Variants in C14orf119 observed in about 807,000 individuals in gnomAD.
C14orf119 encodes uncharacterized protein C14orf119.
In C14orf119, 17 loss-of-function variants were observed where a neutral mutation model predicts 13.5. The observed-to-expected ratio is 1.26, with a 90% CI of 0.86 to 1.88. The LOEUF is 1.88. Ranked by LOEUF, C14orf119 falls within the 40% of genes most tolerant of loss-of-function variation. C14orf119 has a pLI of 0.00. For missense variants in C14orf119, 162 were observed against 165.9 expected (o/e 0.98, Z 0.13); for synonymous variants, 61 against 61.9 (o/e 0.99, Z 0.07).
Position 23,097,931 on chromosome 14 carries a change from C to A in C14orf119, c.273C>A (p.Ile91=). 1 of 1,614,168 alleles carries A rather than the reference C, an allele frequency of 6.2e-7. No individual in the cohort carries two copies. Among genetic ancestry groups the A allele is most frequent in the Non-Finnish European group, 8.5e-7 (1 of 1,179,998 alleles). The change falls in exon 2 of 2, where the codon ATC becomes ATA. Residue 91 remains isoleucine (I), a synonymous_variant. Coordinates refer to ENST00000319074, the MANE Select transcript of C14orf119 (RefSeq NM_017924.4). ...SVSGADRPPS[I]FECQLHLWDQ... is the part of the protein sequence containing the mutation. The stretch of plus-strand genomic sequence containing the variant: ...CTGGGGCAGACCGACCACCTTCTAT[C>A]TTTGAGTGCCAGCTACATCTTTGGG...
intron 1 of C14orf119, among the ~76,000 whole-genome samples, chr14:23,096,216 T>C (rs2048369222): frequency 6.6e-6 from 1 of 152,220 alleles, no homozygotes; most frequent in Non-Finnish European, 1.5e-5. Flanking sequence ...GCATTCATGA[T>C]GCAAAATCAG....
chr14:23,097,990 G>C lies in C14orf119; in HGVS notation c.332G>C (p.Arg111Pro). ...TTTCGAGGCTGGGCTGAGCAGGAGCGCAATGAATTTGTCAGACAGCTGGAG... is the reference window on the plus strand; with the variant it reads ...TTTCGAGGCTGGGCTGAGCAGGAGCCCAATGAATTTGTCAGACAGCTGGAG... ...QWFRGWAEQE[R>P]NEFVRQLEFS... Residue 111 changes from arginine (R) to proline (P), a missense_variant, in exon 2 of 2, where the codon CGC becomes CCC. Transcript: ENST00000319074. The C allele has an allele frequency of 4.3e-6, 7 of 1,614,122 alleles. No individual in the cohort carries two copies. Among genetic ancestry groups the C allele is most frequent in the Non-Finnish European group, 5.9e-6 (7 of 1,180,036 alleles).
In C14orf119 at chr14:23,099,540, A is replaced by G. The variant is rs745556143; in HGVS notation, c.*1459A>G. On this transcript the variant is annotated 3_prime_UTR_variant, in exon 2 of 2. Coordinates refer to ENST00000319074, the MANE Select transcript of C14orf119 (RefSeq NM_017924.4). The stretch of plus-strand genomic sequence containing the variant: ...GCATGGAATAATGCCTAGCCTTAGT[A>G]GATAAAGCGGCATTACCTTTTTTTT... 11 of 400,682 alleles carry G rather than the reference A, an allele frequency of 2.7e-5. No individual in the cohort carries two copies. Among genetic ancestry groups the G allele is most frequent in the Admixed American group, 4.6e-5 (1 of 21,912 alleles). 24.8% of individuals were successfully genotyped at this position (400,682 alleles called of 1,614,324 possible).
chr14:23,097,191 C>G (rs371859410), intron 1 of C14orf119, among the ~76,000 whole-genome samples: 2 of 152,106 alleles, frequency 1.3e-5, no homozygotes, highest in African/African-American at 4.8e-5. Flanking sequence ...TCTTTCTTCC[C>G]CCACTGTTGA....
intron 1 of C14orf119, among the ~76,000 whole-genome samples, chr14:23,096,150 G>T (rs776823158): frequency 6.6e-6 from 1 of 152,226 alleles, no homozygotes; most frequent in African/African-American, 2.4e-5. Context: ...TAAGAGATAC[G>T]TTAGAGATTT....
In C14orf119 at chr14:23,098,748, A is replaced by T. The variant is rs2048406467; in HGVS notation, c.*667A>T. 6.0e-6 allele frequency: 1 copy of T among 165,462 alleles called. No homozygotes were observed. The highest frequency in any genetic ancestry group is 1.5e-5 in the Non-Finnish European group (1 of 68,380). 10.2% of individuals were successfully genotyped at this position (165,462 alleles called of 1,614,324 possible). On this transcript the variant is annotated 3_prime_UTR_variant, in exon 2 of 2. Coordinates refer to ENST00000319074, the MANE Select transcript of C14orf119 (RefSeq NM_017924.4). The stretch of plus-strand genomic sequence containing the variant: ...GTGAGCGTGAGATCACTGTAACCTC[A>T]AATTCTAGGCTGAAGTAATCTTTCT...
chr14:23,096,575 A>ATT (rs199619004), intron 1 of C14orf119, among the ~76,000 whole-genome samples: 1 of 142,880 alleles, frequency 7.0e-6, no homozygotes, highest in African/African-American at 2.6e-5. Flanking sequence ...AAAAAAAAAA[A>ATT]ATTTTTTTTT....
chr14:23,100,397 G>C lies in C14orf119; in HGVS notation c.*2316G>C, dbSNP rs1205426402. ...GTTAGGGATCTTTGTTCTCTGAAACGCAACCCTGTCTAGGACAATATACAC... is the reference window on the plus strand; with the variant it reads ...GTTAGGGATCTTTGTTCTCTGAAACCCAACCCTGTCTAGGACAATATACAC... On this transcript the variant is annotated 3_prime_UTR_variant, in exon 2 of 2. Transcript: ENST00000319074. The C allele has an allele frequency of 4.9e-6, 2 of 411,944 alleles. No individual in the cohort carries two copies. The highest frequency in any genetic ancestry group is 4.4e-6 in the Non-Finnish European group (1 of 225,836). The allele number at this position is 411,944 out of a possible 1,614,324, so 25.5% of individuals were successfully genotyped here.
intron 1 of C14orf119, among the ~76,000 whole-genome samples, chr14:23,096,034 A>T (rs2048365853): frequency 6.6e-6 from 1 of 152,240 alleles, no homozygotes; most frequent in South Asian, 2.1e-4. Flanking sequence ...ACTTGAACTA[A>T]TATTAATTGT....
At chr14:23,097,585 A>G in intron 1 of C14orf119, 73 bp from the exon 2 acceptor site, 1 of 1,353,084 alleles carries the variant, frequency 7.4e-7, no homozygotes, top group Non-Finnish European at 1.0e-6. Context: ...GTGTGGTAAG[A>G]TGTCTTGTTG....
Position 23,099,479 on chromosome 14 carries a change from TA to T in C14orf119, c.*1400del. 2.4e-6 allele frequency: 1 copy of T among 412,796 alleles called. No individual in the cohort carries two copies. The highest frequency in any genetic ancestry group is 4.4e-6 in the Non-Finnish European group (1 of 226,088). The allele number at this position is 412,796 out of a possible 1,614,324, so 25.6% of individuals were successfully genotyped here. ...GTCATGGAGGGATTATGGTCTGAAG[TA>T]ACCAGCAACCTAGGAACATAGAAGG... On this transcript the variant is annotated 3_prime_UTR_variant, in exon 2 of 2. Transcript: ENST00000319074.
chr14:23,097,168 AAAT>A (rs3832936), intron 1 of C14orf119, among the ~76,000 whole-genome samples: 76,711 of 151,760 alleles, frequency 0.51, 20,681 homozygotes, highest in Admixed American at 0.59. Flanking sequence ...CTTTCATCAT[AAAT>A]AATGTTTTTT....
chr14:23,095,904 C>A (rs1246340588), intron 1 of C14orf119, among the ~76,000 whole-genome samples: 1 of 152,204 alleles, frequency 6.6e-6, no homozygotes, highest in African/African-American at 2.4e-5. Context: ...CCTTGGAAGC[C>A]ATGTGGCAAG....
Position 23,099,167 on chromosome 14 carries a change from G to A in C14orf119, c.*1086G>A, listed in dbSNP as rs3742486. The A allele has an allele frequency of 0.084, 34,706 of 411,394 alleles. 2,236 individuals carry two copies. Among genetic ancestry groups the A allele is most frequent in the African/African-American group, 0.22 (10,826 of 48,592 alleles). 25.5% of individuals were successfully genotyped at this position (411,394 alleles called of 1,614,324 possible). The stretch of plus-strand genomic sequence containing the variant: ...GCCAGGCTATATAATATTGACAACC[G>A]GGGAAAGAGGCATTCCAAAGAAAGT... On this transcript the variant is annotated 3_prime_UTR_variant, in exon 2 of 2. Coordinates refer to ENST00000319074, the MANE Select transcript of C14orf119 (RefSeq NM_017924.4).
intron 1 of C14orf119, 44 bp from the exon 2 acceptor site, chr14:23,097,614 G>A (rs564786426): frequency 2.5e-5 from 38 of 1,532,658 alleles, no homozygotes; most frequent in Non-Finnish European, 2.6e-5. Flanking sequence ...TTGTATTTTC[G>A]TTGCTCTACC....
Position 23,099,171 on chromosome 14 carries a change from A to G in C14orf119, c.*1090A>G, listed in dbSNP as rs781612339. ...GGCTATATAATATTGACAACCGGGG[A>G]AAGAGGCATTCCAAAGAAAGTAGAA... On this transcript the variant is annotated 3_prime_UTR_variant, in exon 2 of 2. Transcript: ENST00000319074. The G allele has an allele frequency of 1.7e-5, 7 of 411,986 alleles. No individual in the cohort carries two copies. Among genetic ancestry groups the G allele is most frequent in the African/African-American group, 4.1e-5 (2 of 48,596 alleles). 25.5% of individuals were successfully genotyped at this position (411,986 alleles called of 1,614,324 possible). A position where few individuals can be genotyped will look rare whatever the true frequency, so the allele number is the denominator to read the frequency against.
At chr14:23,096,300 T>G (rs2048370574) in intron 1 of C14orf119, among the ~76,000 whole-genome samples, 1 of 152,036 alleles carries the variant, frequency 6.6e-6, no homozygotes, top group South Asian at 2.1e-4. Flanking sequence ...GCGGATCACT[T>G]GAGGTCAGGA....
chr14:23,097,530 T>C, intron 1 of C14orf119, 128 bp from the exon 2 acceptor site: 1 of 794,316 alleles, frequency 1.3e-6, no homozygotes. Flanking sequence ...TTATTTTGGG[T>C]CTTTGAATTC....
rs915753242 is a variant in C14orf119 at position 23,095,605 on chromosome 14, G to A, written c.-16G>A. 5.7e-6 allele frequency: 2 copies of A among 352,224 alleles called. No individual in the cohort carries two copies. The highest frequency in any genetic ancestry group is 9.1e-5 in the Admixed American group (2 of 22,078). 21.8% of individuals were successfully genotyped at this position (352,224 alleles called of 1,614,324 possible). ...TCGTGACAATCTTCGGGTGCCCTTC[G>A]AGAGAAAAGGGGAGGTAAGCGGGGT... On this transcript the variant is annotated 5_prime_UTR_variant, in exon 1 of 2. Coordinates refer to ENST00000319074, the MANE Select transcript of C14orf119 (RefSeq NM_017924.4).
Sources: gnomAD v4.1 joint callset for allele counts (sites outside exome capture counted in the v4.1 genomes callset) on GRCh38, gnomAD v4.1.1 for gene constraint, MANE v1.5 for transcripts, NCBI Gene and HGNC (gene_info 2026-07-23, HGNC 2026-07-21) for gene names.